The following ANKRD45 variants were observed in gnomAD, a reference collection of about 807,000 sequenced individuals.
The protein encoded by ANKRD45 is ankyrin repeat domain-containing protein 45.
ANKRD45 carries 21 observed loss-of-function variants against 28.1 expected under a neutral mutation model. That is an observed-to-expected ratio of 0.75 (90% CI 0.53 to 1.08). The LOEUF is 1.08. Ranked by LOEUF, ANKRD45 falls within the 50% of genes least tolerant of loss-of-function variation. ANKRD45 has a pLI of 0.00. For missense variants in ANKRD45, 261 were observed against 308.7 expected, an observed-to-expected ratio of 0.85 and a Z score of 1.16; for synonymous variants, 86 against 103.9, an observed-to-expected ratio of 0.83 and a Z score of 1.05.
intron 3 of ANKRD45, among the ~76,000 whole-genome samples, chr1:173,638,859 C>T (rs1011834106): frequency 1.3e-5 from 2 of 152,312 alleles, no homozygotes; most frequent in Middle Eastern, 3.4e-3. Context: ...AAAAAACACT[C>T]GTGTCTAGAT....
the ANKRD45 span, among the ~76,000 whole-genome samples, chr1:173,685,912 G>A: frequency 6.6e-6 from 1 of 152,112 alleles, no homozygotes; most frequent in African/African-American, 2.4e-5. Context: ...GCGGGGGAGG[G>A]CTGTTCCTTT....
chr1:173,636,831 A>C (rs1473297497), intron 3 of ANKRD45: 1 of 1,535,070 alleles, frequency 6.5e-7, no homozygotes, highest in African/African-American at 1.4e-5. Context: ...TTTTAGCTGA[A>C]AAAGCAAGCC....
intron 3 of ANKRD45, chr1:173,635,835 A>G (rs1668410917): frequency 6.5e-7 from 1 of 1,528,570 alleles, no homozygotes; most frequent in Admixed American, 2.0e-5. Context: ...TGGAAGAAAC[A>G]CCAAAAAAAG....
At chr1:173,692,332 G>A in the ANKRD45 span, among the ~76,000 whole-genome samples, 9 of 152,132 alleles carry the variant, frequency 5.9e-5, no homozygotes, top group Non-Finnish European at 1.3e-4. Flanking sequence ...CATTGGTTCC[G>A]TCTGGAAAGG....
At chr1:173,711,428 A>G in the ANKRD45 span, among the ~76,000 whole-genome samples, 2 of 152,344 alleles carry the variant, frequency 1.3e-5, no homozygotes, top group South Asian at 4.1e-4. Context: ...AAGCAGGGAG[A>G]AGGCTTCCAG....
intron 5 of ANKRD45, among the ~76,000 whole-genome samples, chr1:173,619,604 G>A (rs1558118913): frequency 6.6e-6 from 1 of 152,120 alleles, no homozygotes. Context: ...AACATGGGTG[G>A]ATCACCTGAG....
the ANKRD45 span, among the ~76,000 whole-genome samples, chr1:173,685,913 C>T: frequency 6.6e-6 from 1 of 152,106 alleles, no homozygotes; most frequent in African/African-American, 2.4e-5. Flanking sequence ...CGGGGGAGGG[C>T]TGTTCCTTTA....
chr1:173,640,612 T>C (rs1270227749), intron 3 of ANKRD45, among the ~76,000 whole-genome samples: 9 of 152,220 alleles, frequency 5.9e-5, no homozygotes, highest in Non-Finnish European at 1.0e-4. Flanking sequence ...TAAGTCTGAC[T>C]CACCTCAGAC....
intron 5 of ANKRD45, among the ~76,000 whole-genome samples, chr1:173,616,518 A>G (rs1667473481): frequency 6.6e-6 from 1 of 152,186 alleles, no homozygotes; most frequent in African/African-American, 2.4e-5. Context: ...GAATATACTG[A>G]AAACCACTGA....
At chr1:173,635,088 C>T (rs1668366620) in intron 3 of ANKRD45, among the ~76,000 whole-genome samples, 2 of 151,958 alleles carry the variant, frequency 1.3e-5, no homozygotes, top group Non-Finnish European at 1.5e-5. Flanking sequence ...ATTAATATGA[C>T]TATAGTTGAA....
At chr1:173,713,226 G>A in the ANKRD45 span, among the ~76,000 whole-genome samples, 13,728 of 152,104 alleles carry the variant, frequency 0.09, 2,008 homozygotes, top group African/African-American at 0.31. Context: ...ATGTGTATCC[G>A]TGAAATCGCC....
the ANKRD45 span, among the ~76,000 whole-genome samples, chr1:173,681,136 T>A: frequency 2.3e-4 from 35 of 151,806 alleles, 1 homozygote; most frequent in East Asian, 2.9e-3. Context: ...ATAATTTTTT[T>A]AAAAAAAAGG....
At position 173,646,869 on chromosome 1, in the gene ANKRD45, C is replaced by T. The variant is rs1175940502; in HGVS notation, c.473G>A (p.Cys158Tyr). 3 of 1,614,150 alleles carry T rather than the reference C, an allele frequency of 1.9e-6. No individual in the cohort carries two copies. Among genetic ancestry groups the T allele is most frequent in the South Asian group, 2.2e-5 (2 of 91,074 alleles). The change falls in exon 3 of 6, where the codon TGT becomes TAT. Residue 158 changes from cysteine (C) to tyrosine (Y), a missense_variant. Transcript: ENST00000333279. ...ACCTGCCCAGTCCAGGAATTCAACACACTCAGTCTGAGAATATCTAGCAGC... is the reference window on the plus strand; with the variant it reads ...ACCTGCCCAGTCCAGGAATTCAACATACTCAGTCTGAGAATATCTAGCAGC... ...DVAARYSQTE[C>Y]VEFLDWADAR...
chr1:173,656,673 G>C (rs915886671), intron 2 of ANKRD45, among the ~76,000 whole-genome samples: 2 of 152,062 alleles, frequency 1.3e-5, no homozygotes, highest in Non-Finnish European at 2.9e-5. Flanking sequence ...GCTCATAAAA[G>C]CTGGCTCTAG....
At chr1:173,630,048 G>T (rs1323599141) in intron 3 of ANKRD45, among the ~76,000 whole-genome samples, 1 of 152,180 alleles carries the variant, frequency 6.6e-6, no homozygotes, top group African/African-American at 2.4e-5. Flanking sequence ...TTTTACCCTA[G>T]AACAGTGTAT....
intron 3 of ANKRD45, among the ~76,000 whole-genome samples, chr1:173,628,523 G>A (rs910534279): frequency 9.2e-5 from 14 of 152,074 alleles, no homozygotes; most frequent in Admixed American, 3.3e-4. Flanking sequence ...GGGCAGTGGT[G>A]GCCACAGGGA....
chr1:173,635,648 C>T (rs1446003351), intron 3 of ANKRD45: 1 of 1,535,594 alleles, frequency 6.5e-7, no homozygotes, highest in East Asian at 2.4e-5. Context: ...AGAAGAAGTA[C>T]ATTATTGGAA....
At chr1:173,644,867 C>A (rs1052029614) in intron 3 of ANKRD45, among the ~76,000 whole-genome samples, 1 of 152,036 alleles carries the variant, frequency 6.6e-6, no homozygotes, top group African/African-American at 2.4e-5. Flanking sequence ...GTGGCACATG[C>A]CTGTAATACC....
chr1:173,663,799 C>T (rs900105283), intron 1 of ANKRD45, among the ~76,000 whole-genome samples: 13 of 151,996 alleles, frequency 8.6e-5, no homozygotes, highest in African/African-American at 2.4e-4. Context: ...TTCTGTTATA[C>T]GTAAATTAGT....
Sources: gnomAD v4.1 joint callset for allele counts (sites outside exome capture counted in the v4.1 genomes callset) on GRCh38, gnomAD v4.1.1 for gene constraint, MANE v1.5 for transcripts, NCBI Gene and HGNC (gene_info 2026-07-23, HGNC 2026-07-21) for gene names.